Variants in NLGN1 observed in about 807,000 individuals in gnomAD.
NLGN1 encodes neuroligin-1.
In NLGN1, 12 loss-of-function variants were observed where a neutral mutation model predicts 65.5. That is an observed-to-expected ratio of 0.18 (90% CI 0.12 to 0.30). The LOEUF (loss-of-function observed/expected upper bound fraction) is 0.30. Among genes scored for constraint, NLGN1 ranks in the 10% least tolerant of loss-of-function variants. The pLI, the probability that NLGN1 is intolerant of heterozygous loss-of-function variation, is 1.00. For missense variants in NLGN1, 750 were observed against 1,007.1 expected, an observed-to-expected ratio of 0.74 and a Z score of 3.46; for synonymous variants, 350 against 359.5, an observed-to-expected ratio of 0.97 and a Z score of 0.30.
chr3:173,596,111 G>A (rs1402199191), intron 2 of NLGN1, among the ~76,000 whole-genome samples: 4 of 152,090 alleles, frequency 2.6e-5, no homozygotes, highest in Non-Finnish European at 4.4e-5. Flanking sequence ...AAAATATTTT[G>A]TTGGTAAATT....
chr3:173,693,300 A>G (rs1007828002), intron 3 of NLGN1, among the ~76,000 whole-genome samples: 3 of 152,078 alleles, frequency 2.0e-5, no homozygotes, highest in African/African-American at 7.2e-5. Context: ...GGAGGGACTG[A>G]AATAAAATTT....
chr3:173,788,150 C>A (rs925767243), intron 3 of NLGN1, among the ~76,000 whole-genome samples: 1 of 144,714 alleles, frequency 6.9e-6, no homozygotes, highest in East Asian at 2.0e-4. Flanking sequence ...TGACATTTTA[C>A]CTTTAAATTT....
chr3:173,464,822 A>G (rs966822312), intron 2 of NLGN1, among the ~76,000 whole-genome samples: 1 of 152,168 alleles, frequency 6.6e-6, no homozygotes, highest in East Asian at 1.9e-4. Context: ...GAAACCCCTA[A>G]TGGCAGAGGT....
chr3:173,720,699 C>T (rs559821809), intron 3 of NLGN1, among the ~76,000 whole-genome samples: 42 of 152,232 alleles, frequency 2.8e-4, no homozygotes, highest in Non-Finnish European at 5.1e-4. Context: ...TCTTAACTCT[C>T]CATTTGAATC....
At chr3:173,675,480 TA>T (rs1208870772) in intron 3 of NLGN1, among the ~76,000 whole-genome samples, 4 of 152,110 alleles carry the variant, frequency 2.6e-5, no homozygotes, top group African/African-American at 9.7e-5. Flanking sequence ...GAGAAGTCTT[TA>T]CGTAAAATAA....
At chr3:174,040,185 C>T (rs545889059) in intron 4 of NLGN1, among the ~76,000 whole-genome samples, 2 of 151,972 alleles carry the variant, frequency 1.3e-5, no homozygotes, top group Admixed American at 1.3e-4. Flanking sequence ...CCCCTCTTTT[C>T]AGAGAAAAGG....
intron 2 of NLGN1, among the ~76,000 whole-genome samples, chr3:173,589,344 A>G (rs1748046720): frequency 6.6e-6 from 1 of 152,146 alleles, no homozygotes; most frequent in African/African-American, 2.4e-5. Context: ...TATGCCTACA[A>G]TTAGAGCTAC....
At chr3:174,172,062 A>G (rs1477776011) in intron 4 of NLGN1, among the ~76,000 whole-genome samples, 1 of 151,858 alleles carries the variant, frequency 6.6e-6, no homozygotes, top group Non-Finnish European at 1.5e-5. Context: ...GGTTTTCTCT[A>G]TTTCTCCAGT....
chr3:174,047,557 G>C (rs1733894369), intron 4 of NLGN1, among the ~76,000 whole-genome samples: 1 of 151,988 alleles, frequency 6.6e-6, no homozygotes, highest in African/African-American at 2.4e-5. Flanking sequence ...AGATTTTACA[G>C]TCTGATAGGA....
In NLGN1 at chr3:174,281,265, C is replaced by A. The variant is rs749491206; in HGVS notation, c.2434C>A (p.His812Asn). The change falls in exon 7 of 7, where the codon CAT (histidine) becomes AAT (asparagine). Residue 812 changes from histidine to asparagine, a missense_variant. His to Asn is a moderately conservative substitution (Grantham distance 68). Transcript: ENST00000457714. ...ACAGAACAATACTCTGCCCCATCCC[C>A]ATCCCCACCCCCATTCACATTCAAC... 1 of 1,612,442 alleles carries A rather than the reference C, an allele frequency of 6.2e-7. No individual in the cohort carries two copies. The highest frequency in any genetic ancestry group is 1.7e-5 in the Admixed American group (1 of 59,832).
intron 4 of NLGN1, among the ~76,000 whole-genome samples, chr3:173,818,426 C>T (rs1164380740): frequency 6.6e-6 from 1 of 151,926 alleles, no homozygotes; most frequent in Non-Finnish European, 1.5e-5. Context: ...TTTTGTAAGA[C>T]AGATAAAATA....
rs376164119 is a variant in NLGN1, at chr3:174,088,738, G to A, written c.647-186577G>A. 6.2e-3 allele frequency among the ~76,000 whole-genome samples: 939 copies of A among 150,602 alleles called. 13 individuals are homozygous for A. The highest frequency in any genetic ancestry group is 0.022 in the African/African-American group (902 of 40,974). On this transcript the variant is annotated intron_variant, in intron 4 of 6. Transcript: ENST00000457714. ...ACTGCACTCCAGCCTGGGCAATAGA[G>A]CGAGACTCCATCTCAATAAAAATAA...
rs553460992 is a variant in NLGN1 at position 173,993,575 on chromosome 3, G to T, written c.646+185743G>T. ...TTTTGGTCAGTAGATGGAGTTGCAG[G>T]TCCCAGACATGTTTGTTTTCTTTTG... On this transcript the variant is annotated intron_variant, in intron 4 of 6. Transcript: ENST00000457714. Among the ~76,000 whole-genome samples, 56 of 152,090 alleles carry T rather than the reference G, an allele frequency of 3.7e-4. No homozygotes were observed. The South Asian group carries it at 0.012, about 32-fold the overall frequency.
rs913503648 is a variant in NLGN1, at chr3:173,492,885, A to G, written c.-321+57807A>G. Among the ~76,000 whole-genome samples the G allele has an allele frequency of 4.0e-5, 6 of 151,764 alleles. 1 individual carries two copies. The highest frequency in any genetic ancestry group is 7.3e-5 in the African/African-American group (3 of 41,112). On this transcript the variant is annotated intron_variant, in intron 2 of 6. Coordinates refer to ENST00000457714, the Ensembl canonical transcript of NLGN1. ...TTTAGGCTGAAAATTTGGAATTCCA[A>G]TGTTCTAACTTGGGAAATATTAGTA...
chr3:174,249,592 T>C (rs1441885793), intron 4 of NLGN1, among the ~76,000 whole-genome samples: 3 of 152,224 alleles, frequency 2.0e-5, no homozygotes, highest in African/African-American at 7.2e-5. Flanking sequence ...TCATATCAAC[T>C]GAAGCTAGTT....
At chr3:174,199,139 G>T (rs1010110823) in intron 4 of NLGN1, among the ~76,000 whole-genome samples, 1 of 152,070 alleles carries the variant, frequency 6.6e-6, no homozygotes, top group South Asian at 2.1e-4. Flanking sequence ...GAGCCACCGC[G>T]CCCGTCCTGC....
intron 4 of NLGN1, among the ~76,000 whole-genome samples, chr3:174,100,938 A>C (rs1453828373): frequency 6.6e-6 from 1 of 151,988 alleles, no homozygotes; most frequent in Admixed American, 6.6e-5. Context: ...CTCCACAGCC[A>C]TCATACTTCT....
intron 4 of NLGN1, among the ~76,000 whole-genome samples, chr3:173,999,512 G>A (rs1722887234): frequency 6.6e-6 from 1 of 152,000 alleles, no homozygotes; most frequent in Non-Finnish European, 1.5e-5. Flanking sequence ...TTGTAATAAT[G>A]GGAAAATTGC....
At chr3:174,121,698 A>G (rs1717812146) in intron 4 of NLGN1, among the ~76,000 whole-genome samples, 2 of 152,228 alleles carry the variant, frequency 1.3e-5, no homozygotes, top group African/African-American at 4.8e-5. Flanking sequence ...CAAAAAATAA[A>G]CAATAAGTTT....
Sources: allele counts gnomAD v4.1 joint callset (sites outside exome capture counted in the v4.1 genomes callset), GRCh38; gene constraint gnomAD v4.1.1; transcripts MANE v1.5; gene names NCBI Gene and HGNC (gene_info 2026-07-23, HGNC 2026-07-21).